Variants in RABGAP1L observed in about 807,000 individuals in gnomAD.
RABGAP1L encodes rab GTPase-activating protein 1-like.
A neutral mutation model predicts 137.7 loss-of-function variants in RABGAP1L; 63 were observed. The observed-to-expected ratio is 0.46, with a 90% CI of 0.37 to 0.56. RABGAP1L has a LOEUF of 0.56. Ranked by LOEUF, RABGAP1L falls within the 20% of genes least tolerant of loss-of-function variation. The pLI, the probability that RABGAP1L is intolerant of heterozygous loss-of-function variation, is 0.00. For missense variants in RABGAP1L, 1,095 were observed against 1,244.0 expected, an observed-to-expected ratio of 0.88 and a Z score of 1.80; for synonymous variants, 431 against 433.7, an observed-to-expected ratio of 0.99 and a Z score of 0.08.
chr1:174,595,729 C>G (rs964194784), intron 13 of RABGAP1L, among the ~76,000 whole-genome samples: 1 of 107,812 alleles, frequency 9.3e-6, no homozygotes, highest in Non-Finnish European at 1.8e-5. Context: ...TCTCCAGCTG[C>G]GTGCTGGGAG....
intron 13 of RABGAP1L, among the ~76,000 whole-genome samples, chr1:174,633,228 A>G (rs1181998414): frequency 6.7e-6 from 1 of 148,658 alleles, no homozygotes; most frequent in East Asian, 1.9e-4. Flanking sequence ...AAGCATTCTT[A>G]TACACCAACA....
At chr1:174,555,673 G>GA (rs1207690126) in intron 13 of RABGAP1L, among the ~76,000 whole-genome samples, 1 of 152,092 alleles carries the variant, frequency 6.6e-6, no homozygotes, top group African/African-American at 2.4e-5. Context: ...GTTTTGAAGA[G>GA]AAAAAAGATC....
intron 19 of RABGAP1L, among the ~76,000 whole-genome samples, chr1:174,890,417 A>G (rs1028266149): frequency 2.6e-5 from 4 of 152,216 alleles, no homozygotes; most frequent in African/African-American, 9.6e-5. Context: ...TACCTGGCAC[A>G]TAGTGTCAGC....
intron 13 of RABGAP1L, among the ~76,000 whole-genome samples, chr1:174,451,738 T>G (rs1387874031): frequency 6.6e-6 from 1 of 152,158 alleles, no homozygotes; most frequent in African/African-American, 2.4e-5. Context: ...TTTGCTTGAG[T>G]TCTTTTCTTG....
In RABGAP1L at chr1:174,957,512, G is replaced by A; in HGVS notation, c.2396G>A (p.Ser799Asn). 6.2e-7 allele frequency: 1 copy of A among 1,613,546 alleles called. No individual in the cohort carries two copies. The highest frequency in any genetic ancestry group is 8.5e-7 in the Non-Finnish European group (1 of 1,179,526). The stretch of plus-strand genomic sequence containing the variant: ...AAAGAATATCAGACAATGCGAGAGA[G>A]TCAGCTGCAACAGGAAGACCCAATG... ...YEKEYQTMRESQLQQEDPMDR... is the reference protein window; with the variant it reads ...YEKEYQTMRENQLQQEDPMDR... The change falls in exon 20 of 26, where the codon AGT becomes AAT. Residue 799 changes from serine to asparagine, a missense_variant. Physicochemically the swap from Ser to Asn is conservative, Grantham distance 46. Transcript: ENST00000681986.
At chr1:174,911,197 A>G (rs1035610541) in intron 19 of RABGAP1L, among the ~76,000 whole-genome samples, 15 of 152,142 alleles carry the variant, frequency 9.9e-5, no homozygotes, top group Non-Finnish European at 7.3e-5. Context: ...AATCCTTATC[A>G]GCTATATGAC....
intron 13 of RABGAP1L, among the ~76,000 whole-genome samples, chr1:174,615,099 T>A (rs1329149210): frequency 3.9e-5 from 6 of 152,274 alleles, no homozygotes; most frequent in Admixed American, 2.0e-4. Flanking sequence ...TTCTCCATCC[T>A]GCTTTGTTTC....
intron 13 of RABGAP1L, among the ~76,000 whole-genome samples, chr1:174,597,236 T>C (rs908337741): frequency 6.6e-6 from 1 of 152,202 alleles, no homozygotes; most frequent in African/African-American, 2.4e-5. Flanking sequence ...CCTCATAGAA[T>C]GAGTTTGGAA....
At chr1:174,321,396 C>T (rs534301304) in intron 11 of RABGAP1L, among the ~76,000 whole-genome samples, 1 of 152,230 alleles carries the variant, frequency 6.6e-6, no homozygotes, top group African/African-American at 2.4e-5. Context: ...CACTCCCTCC[C>T]CTTTGAAAAT....
At chr1:174,923,928 G>T (rs1290652658) in intron 19 of RABGAP1L, among the ~76,000 whole-genome samples, 1 of 151,386 alleles carries the variant, frequency 6.6e-6, no homozygotes, top group Non-Finnish European at 1.5e-5. Context: ...TTTAATTGTA[G>T]CTTTTGTCAC....
intron 13 of RABGAP1L, among the ~76,000 whole-genome samples, chr1:174,534,947 G>A (rs1376896310): frequency 2.0e-5 from 3 of 152,124 alleles, no homozygotes; most frequent in Non-Finnish European, 4.4e-5. Context: ...CCCAGAAGGT[G>A]ACTAACAATT....
At chr1:174,402,312 ACT>A (rs1449049205) in intron 13 of RABGAP1L, among the ~76,000 whole-genome samples, 1 of 152,004 alleles carries the variant, frequency 6.6e-6, no homozygotes, top group Non-Finnish European at 1.5e-5. Context: ...CTTTAGAAAA[ACT>A]CTATATTTTT....
intron 13 of RABGAP1L, among the ~76,000 whole-genome samples, chr1:174,599,999 A>G (rs895093622): frequency 3.3e-5 from 5 of 152,160 alleles, no homozygotes; most frequent in South Asian, 2.1e-4. Context: ...GACATACCCA[A>G]GACTGGGAAG....
chr1:174,280,052 A>G (rs200332511), intron 10 of RABGAP1L, among the ~76,000 whole-genome samples: 43 of 99,858 alleles, frequency 4.3e-4, no homozygotes, highest in Non-Finnish European at 6.2e-4. Flanking sequence ...CTGCCTGGAG[A>G]GAGAGAGAGA....
chr1:174,890,765 C>T (rs1004759574), intron 19 of RABGAP1L, among the ~76,000 whole-genome samples: 10 of 152,082 alleles, frequency 6.6e-5, no homozygotes, highest in African/African-American at 2.4e-4. Context: ...GCTTTTCTCA[C>T]TTAACAGTAT....
At chr1:174,293,842 T>C (rs1676855246) in intron 10 of RABGAP1L, among the ~76,000 whole-genome samples, 1 of 152,166 alleles carries the variant, frequency 6.6e-6, no homozygotes, top group South Asian at 2.1e-4. Context: ...GATATTTGAA[T>C]GAGTATTATC....
rs141945777 is a variant in RABGAP1L at position 174,502,682 on chromosome 1, A to G, written c.1710+108537A>G. On this transcript the variant is annotated intron_variant, in intron 13 of 25. Transcript: ENST00000681986. ...TATGTGTGTGTGTATATATACATAT[A>G]TGTGTGTGTATATATACATATATGT... 2.1e-3 allele frequency among the ~76,000 whole-genome samples: 313 copies of G among 149,576 alleles called. 10 individuals are homozygous for G. In the East Asian group the frequency reaches 0.054, roughly 26 times the overall value.
intron 13 of RABGAP1L, among the ~76,000 whole-genome samples, chr1:174,530,050 A>T (rs1664253634): frequency 6.6e-6 from 1 of 151,886 alleles, no homozygotes; most frequent in African/African-American, 2.4e-5. Context: ...GTCAATGCGC[A>T]TGCTACCGTC....
chr1:174,988,927 C>A, intron 25 of RABGAP1L, 89 bp downstream of exon 25: 1 of 1,198,662 alleles, frequency 8.3e-7, no homozygotes, highest in South Asian at 2.0e-5. Context: ...CTATCTAGGT[C>A]AGAATTGTAT....
Sources: gnomAD v4.1 joint callset for allele counts (sites outside exome capture counted in the v4.1 genomes callset) on GRCh38, gnomAD v4.1.1 for gene constraint, MANE v1.5 for transcripts, NCBI Gene and HGNC (gene_info 2026-07-23, HGNC 2026-07-21) for gene names.